CA8: variants seen among roughly 807,000 people sequenced by gnomAD.
The protein encoded by CA8 is carbonic anhydrase 8 (inactive).
A neutral mutation model predicts 41.4 loss-of-function variants in CA8; 22 were observed. The ratio of observed to expected loss-of-function variants is 0.53; its 90% confidence interval spans 0.38 to 0.76. The LOEUF is 0.76. CA8 is among the 30% of genes least tolerant of loss of function. The probability of loss-of-function intolerance (pLI) is 0.00; values close to 1 mark genes in which losing one functional copy is unlikely to be tolerated. For synonymous variants in CA8, 121 were observed against 130.6 expected, an observed-to-expected ratio of 0.93 and a Z score of 0.50; for missense variants, 270 against 352.8, an observed-to-expected ratio of 0.77 and a Z score of 1.88.
At chr8:60,239,708 C>G (rs1050299628) in intron 3 of CA8, among the ~76,000 whole-genome samples, 2 of 152,150 alleles carry the variant, frequency 1.3e-5, no homozygotes, top group Non-Finnish European at 2.9e-5. Flanking sequence ...TTGTAGCTCC[C>G]ATAATTCTCA....
chr8:60,220,199 G>A lies in CA8; in HGVS notation c.738+2450C>T, dbSNP rs180836695. On this transcript the variant is annotated intron_variant, in intron 7 of 8. Transcript: ENST00000317995. ...AAAAGAAGGCGTTCATCATGGTAGG[G>A]GCCTCAAGGCAAACTGCTTAGATGG... Among the ~76,000 whole-genome samples the A allele has an allele frequency of 2.6e-3, 399 of 152,222 alleles. 2 individuals carry two copies. The highest frequency in any genetic ancestry group is 8.9e-3 in the African/African-American group (371 of 41,532).
chr8:60,186,975 A>G lies in CA8; in HGVS notation c.*3046T>C, dbSNP rs1361686843. Among the ~76,000 whole-genome samples the G allele has an allele frequency of 6.6e-6, 1 of 152,088 alleles. No individual in the cohort carries two copies. Among genetic ancestry groups the G allele is most frequent in the Non-Finnish European group, 1.5e-5 (1 of 67,936 alleles). Reference sequence around the variant, plus strand: ...GACTTGAACAACACAACAGGCCAACACTATAGACCTAACAGCCATCTATCT... The same window carrying G: ...GACTTGAACAACACAACAGGCCAACGCTATAGACCTAACAGCCATCTATCT... On this transcript the variant is annotated 3_prime_UTR_variant, in exon 9 of 9. Coordinates refer to ENST00000317995, the MANE Select transcript of CA8 (RefSeq NM_004056.6).
intron 8 of CA8, among the ~76,000 whole-genome samples, chr8:60,201,172 G>C (rs1038408390): frequency 6.6e-6 from 1 of 152,174 alleles, no homozygotes; most frequent in Non-Finnish European, 1.5e-5. Context: ...TGTGAAGGAA[G>C]ACCATAAATT....
At chr8:60,236,256 A>G (rs981808770) in intron 3 of CA8, among the ~76,000 whole-genome samples, 6 of 152,228 alleles carry the variant, frequency 3.9e-5, no homozygotes, top group African/African-American at 1.2e-4. Context: ...AGAACTCTGG[A>G]TAAAAATCAG....
In CA8 at chr8:60,186,849, A is replaced by C. The variant is rs979774507; in HGVS notation, c.*3172T>G. Among the ~76,000 whole-genome samples the C allele has an allele frequency of 2.0e-5, 3 of 152,110 alleles. No individual in the cohort carries two copies. The highest frequency in any genetic ancestry group is 4.4e-5 in the Non-Finnish European group (3 of 67,932). On this transcript the variant is annotated 3_prime_UTR_variant, in exon 9 of 9. Transcript: ENST00000317995. ...AGTCCCAAAATGAATGTAGAAAAAA[A>C]CTGACAGAATTGAAGGAAGAGATTA...
chr8:60,248,661 A>C (rs942092506), intron 3 of CA8, among the ~76,000 whole-genome samples: 4 of 152,136 alleles, frequency 2.6e-5, no homozygotes, highest in Admixed American at 1.3e-4. Context: ...GTAGTCTTGC[A>C]GTATAGTTTG....
chr8:60,199,871 T>TA (rs1422850925), intron 8 of CA8, among the ~76,000 whole-genome samples: 5 of 152,222 alleles, frequency 3.3e-5, no homozygotes, highest in African/African-American at 1.2e-4. Context: ...GACCTTTAGT[T>TA]AAAATGAAAA....
chr8:60,272,104 G>C (rs1433181006), intron 2 of CA8, among the ~76,000 whole-genome samples: 6 of 152,172 alleles, frequency 3.9e-5, no homozygotes, highest in Non-Finnish European at 7.3e-5. Flanking sequence ...AGGTAGAATA[G>C]TGACAGGATC....
At chr8:60,212,136 C>A (rs375114635) in intron 7 of CA8, among the ~76,000 whole-genome samples, 1 of 152,208 alleles carries the variant, frequency 6.6e-6, no homozygotes, top group Admixed American at 6.5e-5. Context: ...CTAGATTCAA[C>A]AGCCACTGTT....
intron 4 of CA8, among the ~76,000 whole-genome samples, chr8:60,231,108 T>C (rs1326114691): frequency 1.3e-5 from 2 of 152,220 alleles, no homozygotes; most frequent in East Asian, 3.8e-4. Flanking sequence ...TCTTTCATGA[T>C]TGTTACTTCA....
rs147519928 is a variant in CA8 at position 60,226,992 on chromosome 8, C to T, written c.514-57G>A. On this transcript the variant is annotated intron_variant, in intron 4 of 8. Transcript: ENST00000317995. ...AACATTTTTCAGTGTTTAGCTTTAACTAAAAAAAAACTAATAGGGCTGAGT... is the reference window on the plus strand; with the variant it reads ...AACATTTTTCAGTGTTTAGCTTTAATTAAAAAAAAACTAATAGGGCTGAGT... 5.7e-5 allele frequency: 74 copies of T among 1,296,076 alleles called. No homozygotes were observed. In the African/African-American group the frequency reaches 8.9e-4, roughly 16 times the overall value. 80.3% of individuals were successfully genotyped at this position (1,296,076 alleles called of 1,614,324 possible). A position where few individuals can be genotyped will look rare whatever the true frequency, so the allele number is the denominator to read the frequency against.
intron 3 of CA8, among the ~76,000 whole-genome samples, chr8:60,246,791 T>C (rs1331286555): frequency 6.6e-6 from 1 of 151,944 alleles, no homozygotes; most frequent in African/African-American, 2.4e-5. Context: ...AAGTATTCGA[T>C]ATTTTTAACT....
chr8:60,258,361 A>G (rs1485886884), intron 3 of CA8, among the ~76,000 whole-genome samples: 1 of 152,188 alleles, frequency 6.6e-6, no homozygotes, highest in African/African-American at 2.4e-5. Flanking sequence ...GAAAAAACGA[A>G]CTATTAATAT....
intron 8 of CA8, among the ~76,000 whole-genome samples, chr8:60,204,659 G>C (rs1475626169): frequency 6.6e-6 from 1 of 152,116 alleles, no homozygotes; most frequent in African/African-American, 2.4e-5. Context: ...TTGAGATCTG[G>C]TAGGAAATCC....
In CA8 at chr8:60,192,193, A is replaced by G. The variant is rs1162393825; in HGVS notation, c.*36-2208T>C. Among the ~76,000 whole-genome samples, 4 of 144,680 alleles carry G rather than the reference A, an allele frequency of 2.8e-5. No homozygotes were observed. The East Asian group carries it at 8.1e-4, about 29-fold the overall frequency. The allele number at this position is 144,680 out of a possible 152,430, so 94.9% of individuals were successfully genotyped here. On this transcript the variant is annotated intron_variant, in intron 8 of 8. Transcript: ENST00000317995. ...TGATCTTGTTTACTGCAAATACCAG[A>G]TTAACTGAAAAAATGTTTCAATGAA...
intron 3 of CA8, among the ~76,000 whole-genome samples, chr8:60,257,603 G>A (rs1213412144): frequency 6.6e-6 from 1 of 152,014 alleles, no homozygotes; most frequent in Non-Finnish European, 1.5e-5. Context: ...TGTCACAGGG[G>A]TCCCAGGTTC....
Position 60,217,862 on chromosome 8 carries a change from T to A in CA8, c.738+4787A>T, listed in dbSNP as rs142514851. On this transcript the variant is annotated intron_variant, in intron 7 of 8. Transcript: ENST00000317995. ...TTCTAAAGTTACTCCCTTCCCTCCA[T>A]CTCATTGCCATGTGACCCACATCTT... Among the ~76,000 whole-genome samples, 97 of 152,272 alleles carry A rather than the reference T, an allele frequency of 6.4e-4. 2 individuals are homozygous for A. Among genetic ancestry groups the A allele is most frequent in the African/African-American group, 2.1e-3 (88 of 41,560 alleles).
At chr8:60,205,081 A>C (rs1806537577) in intron 8 of CA8, among the ~76,000 whole-genome samples, 1 of 152,224 alleles carries the variant, frequency 6.6e-6, no homozygotes, top group African/African-American at 2.4e-5. Flanking sequence ...CAAAGATCCC[A>C]AAAGAAAAAT....
intron 8 of CA8, among the ~76,000 whole-genome samples, chr8:60,196,608 G>C (rs1585839664): frequency 6.6e-6 from 1 of 152,244 alleles, no homozygotes; most frequent in East Asian, 1.9e-4. Flanking sequence ...ATTCAATATT[G>C]TAAGGTATTA....
Sources: gnomAD v4.1 joint callset for allele counts (sites outside exome capture counted in the v4.1 genomes callset) on GRCh38, gnomAD v4.1.1 for gene constraint, MANE v1.5 for transcripts, NCBI Gene and HGNC (gene_info 2026-07-23, HGNC 2026-07-21) for gene names.